The following HSPA12A variants were observed in gnomAD, a reference collection of about 807,000 sequenced individuals.
The protein encoded by HSPA12A is heat shock protein family A (Hsp70) member 12A, also known as heat shock 70 kDa protein 12A.
Under a neutral mutation model 69.2 loss-of-function variants are expected in HSPA12A, and 28 were observed. The ratio of observed to expected loss-of-function variants is 0.40; its 90% CI spans 0.30 to 0.55. HSPA12A has a LOEUF of 0.55. Ranked by LOEUF, HSPA12A falls within the 20% of genes least tolerant of loss-of-function variation. The probability of loss-of-function intolerance (pLI) is 0.38; values close to 1 mark genes in which losing one functional copy is unlikely to be tolerated. For synonymous variants in HSPA12A, 345 were observed against 370.5 expected (o/e 0.93, Z 0.79); for missense variants, 686 against 900.7 (o/e 0.76, Z 3.05).
intron 6 of HSPA12A, among the ~76,000 whole-genome samples, chr10:116,688,700 G>C (rs1343445122): frequency 6.6e-6 from 1 of 152,246 alleles, no homozygotes; most frequent in African/African-American, 2.4e-5. Flanking sequence ...ACTGCAGCTT[G>C]TTCAGAAAGG....
At chr10:116,732,465 G>A (rs1249868219) in intron 1 of HSPA12A, among the ~76,000 whole-genome samples, 1 of 152,008 alleles carries the variant, frequency 6.6e-6, no homozygotes, top group East Asian at 1.9e-4. Context: ...TTACCTTTTT[G>A]GCTTCCTCTA....
intron 2 of HSPA12A, among the ~76,000 whole-genome samples, chr10:116,781,253 A>C (rs1844456010): frequency 6.6e-6 from 1 of 152,034 alleles, no homozygotes; most frequent in Non-Finnish European, 1.5e-5. Flanking sequence ...TGAAACTTGC[A>C]CTGCAGCCTG....
chr10:116,831,778 G>C (rs909978102), intron 2 of HSPA12A: 1 of 152,150 alleles, frequency 6.6e-6, no homozygotes, highest in Non-Finnish European at 1.5e-5. Context: ...TTTAGTTGCT[G>C]AGGAAGGTTT....
chr10:116,728,986 G>A (rs183883858), intron 1 of HSPA12A, among the ~76,000 whole-genome samples: 2 of 152,164 alleles, frequency 1.3e-5, no homozygotes, highest in African/African-American at 4.8e-5. Flanking sequence ...ACACATCCCT[G>A]CAGGCGGCCT....
At chr10:116,746,381 A>T (rs1274377942), upstream of HSPA12A, among the ~76,000 whole-genome samples, 2 of 152,246 alleles carry the variant, frequency 1.3e-5, no homozygotes, top group African/African-American at 4.8e-5. Context: ...CCCCCAGCTC[A>T]GAAGAAACTG....
chr10:116,797,397 G>C (rs1589712487), intron 2 of HSPA12A, among the ~76,000 whole-genome samples: 1 of 152,152 alleles, frequency 6.6e-6, no homozygotes, highest in South Asian at 2.1e-4. Flanking sequence ...CAGATGTTTG[G>C]GTTCCTTACA....
intron 1 of HSPA12A, among the ~76,000 whole-genome samples, chr10:116,845,833 T>C (rs1845871199): frequency 6.6e-6 from 1 of 152,198 alleles, no homozygotes; most frequent in Non-Finnish European, 1.5e-5. Context: ...ACCCCACAAA[T>C]ATTTCCTAAT....
At chr10:116,820,652 C>T (rs1185197939) in intron 2 of HSPA12A, among the ~76,000 whole-genome samples, 1 of 151,956 alleles carries the variant, frequency 6.6e-6, no homozygotes, top group Non-Finnish European at 1.5e-5. Context: ...TGTGACAATG[C>T]CCCAGGCTTT....
chr10:116,689,348 T>C (rs1479993370), intron 6 of HSPA12A, among the ~76,000 whole-genome samples: 2 of 152,086 alleles, frequency 1.3e-5, no homozygotes, highest in African/African-American at 4.8e-5. Context: ...ACTGTCCTAC[T>C]GGAGTAGCCA....
intron 2 of HSPA12A, among the ~76,000 whole-genome samples, chr10:116,812,346 A>G (rs549013763): frequency 6.6e-6 from 1 of 151,958 alleles, no homozygotes; most frequent in Non-Finnish European, 1.5e-5. Context: ...CCAGCTACTC[A>G]GGAGGCTGAG....
chr10:116,738,756 T>G (rs1851390377), intron 1 of HSPA12A, among the ~76,000 whole-genome samples: 1 of 151,686 alleles, frequency 6.6e-6, no homozygotes, highest in Non-Finnish European at 1.5e-5. Context: ...CTTAACTGAG[T>G]TTTGAAGGAT....
intron 2 of HSPA12A, among the ~76,000 whole-genome samples, chr10:116,785,727 G>A (rs1844560422): frequency 6.6e-6 from 1 of 152,072 alleles, no homozygotes; most frequent in South Asian, 2.1e-4. Flanking sequence ...TCTGAGCACT[G>A]GCATCTGCTG....
At chr10:116,748,217 G>T (rs2133081596) in intron 2 of HSPA12A, among the ~76,000 whole-genome samples, 1 of 152,266 alleles carries the variant, frequency 6.6e-6, no homozygotes, top group Non-Finnish European at 1.5e-5. Flanking sequence ...TGACTCACTG[G>T]GGCATGTCTG....
intron 1 of HSPA12A, among the ~76,000 whole-genome samples, chr10:116,714,407 T>G (rs1347288869): frequency 6.6e-6 from 1 of 152,090 alleles, no homozygotes; most frequent in East Asian, 1.9e-4. Flanking sequence ...GTCCCTAGAC[T>G]TCCTCCTTTC....
intron 2 of HSPA12A, among the ~76,000 whole-genome samples, chr10:116,768,260 A>G (rs1472903316): frequency 6.6e-6 from 1 of 152,246 alleles, no homozygotes; most frequent in Non-Finnish European, 1.5e-5. Flanking sequence ...AAAAGACCAC[A>G]TACTGTTTGA....
At chr10:116,744,282 TCTC>T (rs1370475442), upstream of HSPA12A, among the ~76,000 whole-genome samples, 16 of 152,196 alleles carry the variant, frequency 1.1e-4, no homozygotes, top group Non-Finnish European at 2.2e-4. Context: ...CCTAAGAACT[TCTC>T]CTTCTCATCA....
At chr10:116,778,614 G>A (rs184012961) in intron 2 of HSPA12A, among the ~76,000 whole-genome samples, 1 of 152,168 alleles carries the variant, frequency 6.6e-6, no homozygotes, top group African/African-American at 2.4e-5. Flanking sequence ...TCATCAGAAA[G>A]TCCAGGCTGG....
intron 10 of HSPA12A, among the ~76,000 whole-genome samples, chr10:116,677,019 C>A (rs1405829336): frequency 6.6e-6 from 1 of 152,154 alleles, no homozygotes; most frequent in African/African-American, 2.4e-5. Context: ...GCAGAGAGTC[C>A]TGGACGGGAA....
intron 10 of HSPA12A, 68 bp from the exon 11 acceptor site, chr10:116,676,570 A>G (rs1554877757): frequency 1.7e-6 from 2 of 1,204,234 alleles, no homozygotes; most frequent in Non-Finnish European, 2.5e-6. Context: ...TTATCTGCAT[A>G]GACACCTGCC....
Sources: gnomAD v4.1 joint callset for allele counts (sites outside exome capture counted in the v4.1 genomes callset) on GRCh38, gnomAD v4.1.1 for gene constraint, MANE v1.5 for transcripts, NCBI Gene and HGNC (gene_info 2026-07-23, HGNC 2026-07-21) for gene names.